The following RPAP3 variants were observed in gnomAD, a reference collection of about 807,000 sequenced individuals.
RPAP3 encodes the protein RNA polymerase II-associated protein 3.
A neutral mutation model predicts 88.8 loss-of-function variants in RPAP3; 58 were observed. The observed-to-expected ratio is 0.65, with a 90% CI of 0.53 to 0.81. RPAP3 has a LOEUF of 0.81. RPAP3 is among the 40% of genes least tolerant of loss of function. The probability of loss-of-function intolerance (pLI) is 0.00; values close to 1 mark genes in which losing one functional copy is unlikely to be tolerated. For missense variants in RPAP3, 751 were observed against 764.3 expected, an observed-to-expected ratio of 0.98 and a Z score of 0.20; for synonymous variants, 255 against 259.9, an observed-to-expected ratio of 0.98 and a Z score of 0.18.
chr12:47,687,814 C>T, intron 8 of RPAP3, 62 bp downstream of exon 8: 1 of 1,526,698 alleles, frequency 6.6e-7, no homozygotes, highest in East Asian at 2.4e-5. Context: ...AACTGATATA[C>T]AAGAAATAAA....
At chr12:47,681,844 TG>T in intron 9 of RPAP3, 27 bp from the exon 10 acceptor site, 1 of 1,534,630 alleles carries the variant, frequency 6.5e-7, no homozygotes, top group African/African-American at 1.4e-5. Flanking sequence ...AATTACTGAC[TG>T]GAAAAAAGGC....
At chr12:47,702,096 T>TAC (rs1353326127) in intron 2 of RPAP3, among the ~76,000 whole-genome samples, 1 of 152,224 alleles carries the variant, frequency 6.6e-6, no homozygotes, top group Non-Finnish European at 1.5e-5. Flanking sequence ...ATTATTTTTA[T>TAC]ACACACACAC....
chr12:47,696,405 T>C lies in RPAP3; in HGVS notation c.418-2A>G. ...TCCTTGTTTGAAGTATTTATTGCCC[T>C]GAAAGAAAATTATATAAAATGATCT... On this transcript the variant is annotated splice_acceptor_variant, in intron 4 of 16. Transcript: ENST00000005386. LOFTEE classifies it high-confidence loss of function. 6.4e-7 allele frequency: 1 copy of C among 1,552,542 alleles called. No homozygotes were observed. The highest frequency in any genetic ancestry group is 8.7e-7 in the Non-Finnish European group (1 of 1,147,524).
intron 10 of RPAP3, among the ~76,000 whole-genome samples, chr12:47,680,061 G>A (rs540774447): frequency 6.6e-6 from 1 of 152,070 alleles, no homozygotes; most frequent in African/African-American, 2.4e-5. Flanking sequence ...GTAAACAAAT[G>A]ACAGAGTAAC....
At chr12:47,671,999 AAGTG>A (rs2042704820) in intron 12 of RPAP3, among the ~76,000 whole-genome samples, 2 of 152,188 alleles carry the variant, frequency 1.3e-5, no homozygotes, top group East Asian at 1.9e-4. Flanking sequence ...TTTAAAAAAA[AAGTG>A]AGAGAGAGAG....
chr12:47,694,177 T>C (rs1939479112), intron 5 of RPAP3, among the ~76,000 whole-genome samples: 1 of 152,182 alleles, frequency 6.6e-6, no homozygotes, highest in South Asian at 2.1e-4. Context: ...ATATTAAGAC[T>C]TACAATTACA....
chr12:47,686,539 T>TACAC (rs776844694), intron 9 of RPAP3, among the ~76,000 whole-genome samples: 21 of 73,522 alleles, frequency 2.9e-4, no homozygotes, highest in Middle Eastern at 5.6e-3. Context: ...AACACACACA[T>TACAC]ACACATACAC....
chr12:47,689,239 T>C lies in RPAP3; in HGVS notation c.668-44A>G, dbSNP rs771954595. ...AAAAAAAATTTTTAAAGATAGGTAATATTTTAAAACATGTACAAAACAATC... is the reference window on the plus strand; with the variant it reads ...AAAAAAAATTTTTAAAGATAGGTAACATTTTAAAACATGTACAAAACAATC... On this transcript the variant is annotated intron_variant, in intron 6 of 16. Coordinates refer to ENST00000005386, the MANE Select transcript of RPAP3 (RefSeq NM_024604.3). The C allele has an allele frequency of 8.8e-6, 7 of 795,214 alleles. No homozygotes were observed. The African/African-American group carries it at 8.9e-5, about 10-fold the overall frequency. The allele number at this position is 795,214 out of a possible 1,614,324, so 49.3% of individuals were successfully genotyped here.
chr12:47,690,560 C>A lies in RPAP3; in HGVS notation c.625G>T (p.Ala209Ser). Residue 209 changes from alanine (A) to serine (S), a missense_variant, in exon 6 of 17, where the codon GCT becomes TCT. By Grantham distance (99) the Ala-to-Ser change is moderately conservative. Coordinates refer to ENST00000005386, the MANE Select transcript of RPAP3 (RefSeq NM_024604.3). ...SYTKAYSRRG[A>S]ARFALQKLEE... is the part of the protein sequence containing the mutation. ...AATTTTTGCAAAGCAAATCGAGCAG[C>A]ACCTCGTCTGGAATAAGCCTTTGTA... 2 of 1,604,988 alleles carry A rather than the reference C, an allele frequency of 1.2e-6. No individual in the cohort carries two copies. The highest frequency in any genetic ancestry group is 1.7e-6 in the Non-Finnish European group (2 of 1,175,326).
rs1592464339 is a variant in RPAP3, at chr12:47,663,401, T to C, written c.*104A>G. ...TTAATTAACTTATGTTCAAAGATAGTCCTTTCCTGCTATATAATTTCATTT... is the reference window on the plus strand; with the variant it reads ...TTAATTAACTTATGTTCAAAGATAGCCCTTTCCTGCTATATAATTTCATTT... On this transcript the variant is annotated 3_prime_UTR_variant, in exon 17 of 17. Transcript: ENST00000005386. 3 of 692,486 alleles carry C rather than the reference T, an allele frequency of 4.3e-6. No individual in the cohort carries two copies. The highest frequency in any genetic ancestry group is 2.7e-5 in the East Asian group (1 of 36,484). The allele number at this position is 692,486 out of a possible 1,614,324, so 42.9% of individuals were successfully genotyped here.
At chr12:47,689,775 C>T (rs1213579380) in intron 6 of RPAP3, among the ~76,000 whole-genome samples, 1 of 152,178 alleles carries the variant, frequency 6.6e-6, no homozygotes, top group Non-Finnish European at 1.5e-5. Context: ...GGCGCAGTGG[C>T]TCACTCCTGT....
intron 9 of RPAP3, among the ~76,000 whole-genome samples, chr12:47,683,022 T>C (rs947936678): frequency 1.3e-5 from 2 of 152,170 alleles, no homozygotes; most frequent in African/African-American, 4.8e-5. Context: ...ACAGCCATAA[T>C]ACGAACCACT....
rs1938940178 is a variant in RPAP3, at chr12:47,669,014, T to C, written c.1615A>G (p.Thr539Ala). 6.2e-7 allele frequency: 1 copy of C among 1,613,858 alleles called. No individual in the cohort carries two copies. Among genetic ancestry groups the C allele is most frequent in the African/African-American group, 1.3e-5 (1 of 75,036 alleles). The change falls in exon 14 of 17, where the codon ACA becomes GCA. Residue 539 changes from threonine to alanine, a missense_variant. Transcript: ENST00000005386. The part of the protein sequence containing the change: ...EIEQKPAQFA[T>A]TVLPPIPANS... ...GCAGGAATTGGAGGAAGAACAGTTG[T>C]GGCAAACTGAGCAGGTTTTTGTTCT...
At chr12:47,705,180 A>G (rs994238730) in intron 1 of RPAP3, among the ~76,000 whole-genome samples, 8 of 152,172 alleles carry the variant, frequency 5.3e-5, no homozygotes, top group African/African-American at 1.9e-4. Flanking sequence ...TCAAAGCTTT[A>G]GGCGGAGGGA....
intron 2 of RPAP3, among the ~76,000 whole-genome samples, chr12:47,702,383 T>TAA (rs1427174785): frequency 1.4e-5 from 2 of 143,220 alleles, no homozygotes; most frequent in African/African-American, 5.1e-5. Flanking sequence ...CCGTCTCTAC[T>TAA]AAAAAAAAAA....
At chr12:47,678,441 G>A (rs544549246) in intron 12 of RPAP3, among the ~76,000 whole-genome samples, 1 of 152,150 alleles carries the variant, frequency 6.6e-6, no homozygotes, top group East Asian at 1.9e-4. Flanking sequence ...GCAAAAGAAA[G>A]TACCATCAGA....
At chr12:47,684,004 T>C (rs1210855459) in intron 9 of RPAP3, among the ~76,000 whole-genome samples, 3 of 152,234 alleles carry the variant, frequency 2.0e-5, no homozygotes, top group Non-Finnish European at 4.4e-5. Flanking sequence ...TTTCTTCTTA[T>C]CCTATCTCTA....
At chr12:47,680,650 G>A (rs1939204568) in intron 10 of RPAP3, among the ~76,000 whole-genome samples, 1 of 151,684 alleles carries the variant, frequency 6.6e-6, no homozygotes, top group Non-Finnish European at 1.5e-5. Context: ...ATAAAAAGCA[G>A]AAGGAAATTA....
At chr12:47,669,817 C>T (rs975048022) in intron 13 of RPAP3, among the ~76,000 whole-genome samples, 9 of 151,908 alleles carry the variant, frequency 5.9e-5, no homozygotes, top group Non-Finnish European at 7.4e-5. Context: ...TTTTGCTGAA[C>T]TAAATAATAA....
Sources: gnomAD v4.1 joint callset for allele counts (sites outside exome capture counted in the v4.1 genomes callset) on GRCh38, gnomAD v4.1.1 for gene constraint, MANE v1.5 for transcripts, NCBI Gene and HGNC (gene_info 2026-07-23, HGNC 2026-07-21) for gene names.